Variants in VRK1 observed in about 807,000 individuals in gnomAD.
VRK1 encodes serine/threonine-protein kinase VRK1.
A neutral mutation model predicts 57.1 loss-of-function variants in VRK1; 33 were observed. The observed-to-expected ratio is 0.58, with a 90% confidence interval of 0.44 to 0.77. The LOEUF is 0.77. VRK1 is among the 30% of genes least tolerant of loss of function. The probability of loss-of-function intolerance (pLI) is 0.00; values close to 1 mark genes in which losing one functional copy is unlikely to be tolerated. For synonymous variants in VRK1, 137 were observed against 147.8 expected, an observed-to-expected ratio of 0.93 and a Z score of 0.53; for missense variants, 413 against 477.3, an observed-to-expected ratio of 0.87 and a Z score of 1.25.
At chr14:96,797,709 C>A (rs1885490553) in intron 1 of VRK1, among the ~76,000 whole-genome samples, 1 of 152,134 alleles carries the variant, frequency 6.6e-6, no homozygotes, top group Non-Finnish European at 1.5e-5. Flanking sequence ...GCCAGGCCGG[C>A]CCCCATCTGA....
At chr14:96,858,274 T>A (rs770903251) in intron 10 of VRK1, among the ~76,000 whole-genome samples, 25 of 152,096 alleles carry the variant, frequency 1.6e-4, no homozygotes, top group Non-Finnish European at 3.2e-4. Flanking sequence ...AATTTTTTTT[T>A]GTGGACATGT....
At chr14:96,825,310 A>C (rs1886759490) in intron 1 of VRK1, among the ~76,000 whole-genome samples, 1 of 152,214 alleles carries the variant, frequency 6.6e-6, no homozygotes, top group African/African-American at 2.4e-5. Flanking sequence ...AAGGGGAATT[A>C]GAGTTTTGAG....
At chr14:96,805,809 AAGC>A (rs895678326) in intron 1 of VRK1, among the ~76,000 whole-genome samples, 4 of 152,186 alleles carry the variant, frequency 2.6e-5, no homozygotes, top group African/African-American at 9.7e-5. Context: ...GCAGTGTTAA[AAGC>A]TTTCATGCAA....
chr14:96,807,211 G>C (rs1885914822), intron 1 of VRK1, among the ~76,000 whole-genome samples: 1 of 152,222 alleles, frequency 6.6e-6, no homozygotes, highest in Non-Finnish European at 1.5e-5. Flanking sequence ...TTTTATTAAA[G>C]TTTTGACCAT....
At chr14:96,834,527 C>G (rs1459738066) in intron 2 of VRK1, among the ~76,000 whole-genome samples, 1 of 152,158 alleles carries the variant, frequency 6.6e-6, no homozygotes, top group Non-Finnish European at 1.5e-5. Flanking sequence ...AGTTTGAGAA[C>G]CACTGGTTGG....
At chr14:96,800,365 C>G (rs1399140037) in intron 1 of VRK1, among the ~76,000 whole-genome samples, 1 of 152,096 alleles carries the variant, frequency 6.6e-6, no homozygotes, top group Non-Finnish European at 1.5e-5. Context: ...TCTTTGCACT[C>G]AAATTCAAGC....
intron 1 of VRK1, among the ~76,000 whole-genome samples, chr14:96,800,012 C>G (rs138843670): frequency 6.7e-6 from 1 of 148,420 alleles, no homozygotes; most frequent in Non-Finnish European, 1.5e-5. Flanking sequence ...ATGTGTAGGG[C>G]GCCTTTGAAA....
chr14:96,878,317 T>G (rs1313249883), intron 12 of VRK1, among the ~76,000 whole-genome samples: 1 of 152,216 alleles, frequency 6.6e-6, no homozygotes, highest in Non-Finnish European at 1.5e-5. Context: ...TTTTTAATTT[T>G]TAAGATATAT....
intron 5 of VRK1, among the ~76,000 whole-genome samples, chr14:96,847,839 C>T (rs542296753): frequency 1.3e-5 from 2 of 152,234 alleles, no homozygotes; most frequent in South Asian, 4.1e-4. Context: ...ATGTTTGAAA[C>T]AATTAGAGAA....
intron 10 of VRK1, 105 bp from the exon 11 acceptor site, chr14:96,860,452 A>G (rs1355836999): frequency 9.1e-7 from 1 of 1,099,148 alleles, no homozygotes; most frequent in East Asian, 2.6e-5. Flanking sequence ...TATCTTAACA[A>G]GATGTGTATT....
intron 11 of VRK1, among the ~76,000 whole-genome samples, chr14:96,869,039 C>T (rs1436949549): frequency 3.3e-5 from 5 of 151,968 alleles, no homozygotes; most frequent in Admixed American, 6.6e-5. Flanking sequence ...ATTATCTGCC[C>T]GCCTCAGCCT....
At chr14:96,855,782 A>G (rs1196457232) in intron 8 of VRK1, among the ~76,000 whole-genome samples, 1 of 152,204 alleles carries the variant, frequency 6.6e-6, no homozygotes, top group Non-Finnish European at 1.5e-5. Flanking sequence ...GGAAGAACTC[A>G]AATACCCAGT....
At chr14:96,800,745 G>A (rs1024423827) in intron 1 of VRK1, among the ~76,000 whole-genome samples, 7 of 152,108 alleles carry the variant, frequency 4.6e-5, no homozygotes, top group Non-Finnish European at 1.0e-4. Flanking sequence ...GAAAATTAAG[G>A]TAGATACTGT....
chr14:96,820,673 A>T (rs1886565881), intron 1 of VRK1, among the ~76,000 whole-genome samples: 1 of 152,244 alleles, frequency 6.6e-6, no homozygotes, highest in African/African-American at 2.4e-5. Context: ...AAAAAACATA[A>T]AGTGAGAAAT....
At chr14:96,830,437 C>T (rs1379208535) in intron 1 of VRK1, among the ~76,000 whole-genome samples, 3 of 151,018 alleles carry the variant, frequency 2.0e-5, no homozygotes, top group African/African-American at 7.3e-5. Context: ...GTTTTATTTA[C>T]TCTTATGTTC....
intron 3 of VRK1, among the ~76,000 whole-genome samples, chr14:96,839,084 GTTT>G (rs555020075): frequency 8.9e-6 from 1 of 112,400 alleles, no homozygotes; most frequent in Non-Finnish European, 1.8e-5. Flanking sequence ...CTTGTCTTGA[GTTT>G]TTTTTTTTTT....
intron 1 of VRK1, among the ~76,000 whole-genome samples, chr14:96,832,640 C>G (rs1199291207): frequency 6.6e-6 from 1 of 152,136 alleles, no homozygotes; most frequent in Admixed American, 6.6e-5. Flanking sequence ...TAAAACACTG[C>G]TTTCTCTGAA....
At chr14:96,814,037 G>A (rs74933206) in intron 1 of VRK1, among the ~76,000 whole-genome samples, 1,590 of 151,864 alleles carry the variant, frequency 0.01, 22 homozygotes, top group African/African-American at 0.031. Flanking sequence ...GAATATTGAT[G>A]GTATTAATTG....
chr14:96,867,456 A>AGTGT lies in VRK1; in HGVS notation c.1068+6754_1068+6757dup, dbSNP rs34415863. ...GGCATTCTGCAGATATCTGTGCACA[A>AGTGT]GTGTGTGTGTGTGTGTGTGTGTGTG... On this transcript the variant is annotated intron_variant, in intron 11 of 12. Coordinates refer to ENST00000216639, the MANE Select transcript of VRK1 (RefSeq NM_003384.3). Among the ~76,000 whole-genome samples, 1,265 of 148,478 alleles carry AGTGT rather than the reference A, an allele frequency of 8.5e-3. 17 individuals carry two copies. Among genetic ancestry groups the AGTGT allele is most frequent in the East Asian group, 0.054 (267 of 4,938 alleles).
Sources: allele counts gnomAD v4.1 joint callset (sites outside exome capture counted in the v4.1 genomes callset), GRCh38; gene constraint gnomAD v4.1.1; transcripts MANE v1.5; gene names NCBI Gene and HGNC (gene_info 2026-07-23, HGNC 2026-07-21).